LRTM3: variants seen among roughly 807,000 people sequenced by gnomAD.
LRTM3 encodes the protein leucine-rich repeat transmembrane protein 3.
At chr13:102,741,843 G>T in the LRTM3 span, 1 of 1,550,214 alleles carries the variant, frequency 6.5e-7, no homozygotes, top group Non-Finnish European at 8.7e-7. Context: ...CTAATTCGTG[G>T]GGCATCGAAA....
chr13:102,731,545 A>G, the LRTM3 span: 1 of 1,551,424 alleles, frequency 6.4e-7, no homozygotes, highest in Non-Finnish European at 8.7e-7. Context: ...GACCCTCTGG[A>G]AAAGGTGGTG....
At chr13:102,737,749 A>G in the LRTM3 span, 3 of 1,550,280 alleles carry the variant, frequency 1.9e-6, no homozygotes, top group Non-Finnish European at 2.6e-6. Flanking sequence ...TGGGCACCCC[A>G]TTTGCTTTTT....
the LRTM3 span, chr13:102,758,698 T>C: frequency 6.5e-7 from 1 of 1,535,736 alleles, no homozygotes; most frequent in South Asian, 1.2e-5. Flanking sequence ...CCATTTATTC[T>C]TACCTCCTGG....
At chr13:102,744,340 G>GT in the LRTM3 span, 4 of 1,549,974 alleles carry the variant, frequency 2.6e-6, no homozygotes, top group South Asian at 2.4e-5. Context: ...CTGTTTGTAA[G>GT]TTTTTTTGAT....
At chr13:102,739,916 G>T in the LRTM3 span, 1 of 1,550,124 alleles carries the variant, frequency 6.5e-7, no homozygotes, top group South Asian at 1.2e-5. Flanking sequence ...GTTACTTGAG[G>T]CACCACAGTC....
chr13:102,755,939 A>ATG, the LRTM3 span, among the ~76,000 whole-genome samples: 85 of 87,130 alleles, frequency 9.8e-4, 1 homozygote, highest in African/African-American at 3.2e-3. Context: ...GTGTATATAT[A>ATG]TACATATATA....
chr13:102,734,478 C>T, the LRTM3 span: 2 of 1,551,202 alleles, frequency 1.3e-6, no homozygotes, highest in Non-Finnish European at 1.7e-6. Flanking sequence ...CGTCCTTGCC[C>T]TCCAATGTTC....
chr13:102,733,290 C>T, the LRTM3 span: 1 of 1,551,314 alleles, frequency 6.4e-7, no homozygotes, highest in Non-Finnish European at 8.7e-7. Context: ...GTCTGTGGTG[C>T]TAACACTTTG....
chr13:102,747,788 T>G, the LRTM3 span: 3 of 1,551,294 alleles, frequency 1.9e-6, no homozygotes, highest in South Asian at 3.6e-5. Context: ...TGGACTATTC[T>G]CCAAAATAGT....
the LRTM3 span, chr13:102,758,429 T>C: frequency 6.5e-7 from 1 of 1,536,792 alleles, no homozygotes. Flanking sequence ...GAAGATGAAT[T>C]AATAACTGAC....
chr13:102,730,868 G>T, the LRTM3 span: 1 of 1,551,434 alleles, frequency 6.4e-7, no homozygotes, highest in Non-Finnish European at 8.7e-7. Flanking sequence ...TTGATGGAGA[G>T]ATTTCTCCTC....
chr13:102,751,306 A>T, the LRTM3 span, among the ~76,000 whole-genome samples: 1 of 151,136 alleles, frequency 6.6e-6, no homozygotes. Context: ...TGCTTAAGCC[A>T]ATTATTTAAA....
At chr13:102,745,027 T>C in the LRTM3 span, 1 of 1,550,880 alleles carries the variant, frequency 6.4e-7, no homozygotes, top group South Asian at 1.2e-5. Flanking sequence ...CTGTACATAT[T>C]GTGCCATTTT....
At chr13:102,757,795 T>A in the LRTM3 span, among the ~76,000 whole-genome samples, 4 of 152,210 alleles carry the variant, frequency 2.6e-5, no homozygotes, top group Non-Finnish European at 4.4e-5. Flanking sequence ...CTTTCCTGTA[T>A]GTATACATCT....
At chr13:102,747,576 C>T in the LRTM3 span, 1 of 1,551,116 alleles carries the variant, frequency 6.4e-7, no homozygotes, top group Non-Finnish European at 8.7e-7. Context: ...TCCTTTTCTT[C>T]TGCAATATGA....
chr13:102,736,449 C>T, the LRTM3 span: 1 of 1,551,152 alleles, frequency 6.4e-7, no homozygotes, highest in Non-Finnish European at 8.7e-7. Flanking sequence ...AGTTGTTTCT[C>T]TTTCTTTACA....
chr13:102,732,258 G>A, the LRTM3 span: 2 of 1,551,264 alleles, frequency 1.3e-6, no homozygotes, highest in Non-Finnish European at 1.7e-6. Context: ...GAAATAGAAA[G>A]ACTTCTGATA....
At chr13:102,735,525 T>C in the LRTM3 span, 1 of 1,551,066 alleles carries the variant, frequency 6.4e-7, no homozygotes, top group Non-Finnish European at 8.7e-7. Flanking sequence ...TCCTGAATCT[T>C]TCTCTTTTGT....
At chr13:102,729,692 T>C in the LRTM3 span, 3 of 1,551,904 alleles carry the variant, frequency 1.9e-6, no homozygotes, top group South Asian at 3.6e-5. Flanking sequence ...GAAGTTGATA[T>C]CGTCATGATG....
Sources: allele counts gnomAD v4.1 joint callset (sites outside exome capture counted in the v4.1 genomes callset), GRCh38; gene constraint gnomAD v4.1.1; transcripts MANE v1.5; gene names NCBI Gene and HGNC (gene_info 2026-07-23, HGNC 2026-07-21).